Variants in MUC4 observed in about 807,000 individuals in gnomAD.
MUC4 encodes mucin-4.
Under a neutral mutation model 257.9 loss-of-function variants are expected in MUC4, and 202 were observed. The observed-to-expected ratio is 0.78, with a 90% CI of 0.70 to 0.88. The LOEUF (loss-of-function observed/expected upper bound fraction) is 0.88, where lower values mean the gene tolerates loss of function less well. Ranked by LOEUF, MUC4 falls within the 40% of genes least tolerant of loss-of-function variation. The probability of loss-of-function intolerance (pLI) is 0.00; values close to 1 mark genes in which losing one functional copy is unlikely to be tolerated. For synonymous variants in MUC4, 2,351 were observed against 2,757.1 expected (o/e 0.85, Z 4.62); for missense variants, 5,976 against 6,513.7 (o/e 0.92, Z 2.84).
chr3:195,807,339 G>T (rs1736105318), intron 1 of MUC4, among the ~76,000 whole-genome samples: 1 of 152,064 alleles, frequency 6.6e-6, no homozygotes, highest in South Asian at 2.1e-4. Flanking sequence ...GTGGTGTTGG[G>T]CGTCTATAAT....
In MUC4 at chr3:195,811,859, C is replaced by T. The variant is rs776958667; in HGVS notation, c.-42G>A. The T allele has an allele frequency of 4.9e-5, 79 of 1,596,472 alleles. No individual in the cohort carries two copies. In the Admixed American group the frequency reaches 1.2e-3, roughly 23 times the overall value. ...CCCCTGGCTCCCTGGGGAAGCTCCA[C>T]GGCCCAGCAGCTGCAGTGTGAGGAG... On this transcript the variant is annotated 5_prime_UTR_variant, in exon 1 of 25. The change creates a new upstream start codon in the 5' untranslated region. Transcript: ENST00000463781.
rs1217901710 is a variant in MUC4, at chr3:195,788,090, C to T, written c.3490G>A (p.Gly1164Ser). 6.7e-7 allele frequency: 1 copy of T among 1,492,040 alleles called. No individual in the cohort carries two copies. The highest frequency in any genetic ancestry group is 1.2e-5 in the South Asian group (1 of 81,238). 92.4% of individuals were successfully genotyped at this position (1,492,040 alleles called of 1,614,324 possible). Reference sequence around the variant, plus strand: ...GTGACAGGAAGAGGGGTGGCCTGACCTGTGGATGCTGAGGAAGCATCAGTG... The same window carrying T: ...GTGACAGGAAGAGGGGTGGCCTGACTTGTGGATGCTGAGGAAGCATCAGTG... ...HVTDASSAST[G>S]QATPLPVTSL... The change falls in exon 2 of 25, where the codon GGT becomes AGT. Residue 1164 changes from glycine to serine, a missense_variant. Gly to Ser is a moderately conservative substitution (Grantham distance 56). This residue lies in a region of MUC4 where 90 missense variants were observed against 106.2 expected (regional missense o/e 0.85). Coordinates refer to ENST00000463781, the MANE Select transcript of MUC4 (RefSeq NM_018406.7).
intron 1 of MUC4, among the ~76,000 whole-genome samples, chr3:195,796,432 G>T (rs1734589121): frequency 6.6e-6 from 1 of 152,176 alleles, no homozygotes; most frequent in Non-Finnish European, 1.5e-5. Context: ...TATAATCTAG[G>T]CCGGGTGCGG....
In MUC4 at chr3:195,755,293, T is replaced by C. The variant is rs1413706487; in HGVS notation, c.15169-921A>G. 6.6e-6 allele frequency among the ~76,000 whole-genome samples: 1 copy of C among 151,966 alleles called. No individual in the cohort carries two copies. Among genetic ancestry groups the C allele is most frequent in the Non-Finnish European group, 1.5e-5 (1 of 67,996 alleles). On this transcript the variant is annotated intron_variant, in intron 18 of 24. Coordinates refer to ENST00000463781, the MANE Select transcript of MUC4 (RefSeq NM_018406.7). This position sits in a 1 kb window ranked among gnomAD's most constrained non-coding sequence, Gnocchi z 5.0. ...TCACTGCAATGTCCCCCTCCCAAGT[T>C]AAAGCAATTCTTGTGCCTCAGCCTC...
At position 195,780,399 on chromosome 3, in the gene MUC4, G is replaced by T. The variant is rs1560309581; in HGVS notation, c.11181C>A (p.Thr3727=). The change falls in exon 2 of 25, where the codon ACC becomes ACA. Residue 3727 remains threonine (T), a synonymous_variant. Transcript: ENST00000463781. The stretch of plus-strand genomic sequence containing the variant: ...AGGAAGGGCTGGTGACATGAAGAGG[G>T]GTGACGTGACCTGTAGATACTGAGG... ...STSSVSTGHV[T]PLHVTSPSSA... 8 of 1,526,698 alleles carry T rather than the reference G, an allele frequency of 5.2e-6. No individual in the cohort carries two copies. In the South Asian group the frequency reaches 6.0e-5, roughly 11 times the overall value. 94.6% of individuals were successfully genotyped at this position (1,526,698 alleles called of 1,614,324 possible).
At chr3:195,794,352 T>A (rs1734276177) in intron 1 of MUC4, among the ~76,000 whole-genome samples, 3 of 148,690 alleles carry the variant, frequency 2.0e-5, no homozygotes, top group East Asian at 3.9e-4. Context: ...TCTTTCTTTT[T>A]TCTTTTTAAA....
In MUC4 at chr3:195,789,680, C is replaced by G; in HGVS notation, c.1900G>C (p.Val634Leu). ...TSTSPQESPA[V>L]SQRGHTQAPQ... Reference sequence around the variant, plus strand: ...GCTTGAGTGTGACCCCTTTGGGAAACAGCTGGTGATTCCTGAGGAGAGGTG... The same window carrying G: ...GCTTGAGTGTGACCCCTTTGGGAAAGAGCTGGTGATTCCTGAGGAGAGGTG... Residue 634 changes from valine (V) to leucine (L), a missense_variant, in exon 2 of 25, where the codon GTT becomes CTT. Val to Leu is a conservative substitution (Grantham distance 32, BLOSUM62 1). Coordinates refer to ENST00000463781, the MANE Select transcript of MUC4 (RefSeq NM_018406.7). The G allele has an allele frequency of 5.0e-6, 8 of 1,613,898 alleles. No homozygotes were observed. The highest frequency in any genetic ancestry group is 6.8e-6 in the Non-Finnish European group (8 of 1,179,846).
intron 1 of MUC4, 82 bp downstream of exon 1, chr3:195,811,654 C>T: frequency 8.0e-7 from 1 of 1,253,460 alleles, no homozygotes; most frequent in Non-Finnish European, 1.2e-6. Flanking sequence ...CTCTCTGTCT[C>T]CCCGGACCTC....
intron 4 of MUC4, among the ~76,000 whole-genome samples, chr3:195,772,563 C>T (rs111707999): frequency 0.069 from 3,306 of 48,254 alleles, 133 homozygotes; most frequent in African/African-American, 0.16. Context: ...CCTCTCTCCA[C>T]CGCTCAGGGG....
chr3:195,763,396 G>C, intron 12 of MUC4, 37 bp downstream of exon 12: 1 of 1,394,080 alleles, frequency 7.2e-7, no homozygotes, highest in Non-Finnish European at 9.4e-7. Context: ...GTCCCTGTGG[G>C]TGGAATGCAG....
At chr3:195,767,556 T>TCACCATCACCACC (rs1560261676) in intron 7 of MUC4, among the ~76,000 whole-genome samples, 2 of 22,400 alleles carry the variant, frequency 8.9e-5, no homozygotes, top group Admixed American at 3.9e-4. Flanking sequence ...CCATCACCAT[T>TCACCATCACCACC]ACCATTGCCA....
Position 195,788,416 on chromosome 3 carries a change from G to T in MUC4, c.3164C>A (p.Thr1055Asn), listed in dbSNP as rs1474713994. Residue 1055 changes from threonine (T) to asparagine (N), a missense_variant, in exon 2 of 25, where the codon ACC (threonine) becomes AAC (asparagine). Physicochemically the swap from Thr to Asn is moderately conservative, Grantham distance 65. Coordinates refer to ENST00000463781, the MANE Select transcript of MUC4 (RefSeq NM_018406.7). ...SFSSASTGDSTPLPVTDTSSA... is the reference protein window; with the variant it reads ...SFSSASTGDSNPLPVTDTSSA... Reference sequence around the variant, plus strand: ...GGAAGTGTCAGTGACAGGAAGAGGGGTGCTGTCACCTGTGGATGCTGAGGA... The same window carrying T: ...GGAAGTGTCAGTGACAGGAAGAGGGTTGCTGTCACCTGTGGATGCTGAGGA... 1.2e-5 allele frequency: 18 copies of T among 1,470,248 alleles called. No homozygotes were observed. Among genetic ancestry groups the T allele is most frequent in the Middle Eastern group, 2.3e-4 (1 of 4,334 alleles). The allele number at this position is 1,470,248 out of a possible 1,614,324, so 91.1% of individuals were successfully genotyped here.
At chr3:195,767,512 A>ACCATCACCACCACCATCG (rs1720947528) in intron 7 of MUC4, among the ~76,000 whole-genome samples, 3 of 85,232 alleles carry the variant, frequency 3.5e-5, no homozygotes, top group Non-Finnish European at 5.4e-5. Flanking sequence ...CACCACCATC[A>ACCATCACCACCACCATCG]CCATCACCAC....
Position 195,764,985 on chromosome 3 carries a change from G to A in MUC4, c.13924+12C>T, listed in dbSNP as rs771259713. ...GCCGGGAAGGTGGGGTTGAGATCACGGACTCACGCACCCAACTGCCAAGGA... is the reference window on the plus strand; with the variant it reads ...GCCGGGAAGGTGGGGTTGAGATCACAGACTCACGCACCCAACTGCCAAGGA... On this transcript the variant is annotated intron_variant, in intron 10 of 24. Transcript: ENST00000463781. 2.3e-5 allele frequency: 37 copies of A among 1,612,458 alleles called. 1 individual carries two copies. The highest frequency in any genetic ancestry group is 3.3e-4 in the Middle Eastern group (2 of 6,072).
chr3:195,782,548 A>C lies in MUC4; in HGVS notation c.9032T>G (p.Val3011Gly), dbSNP rs1166886645. 1 of 1,409,744 alleles carries C rather than the reference A, an allele frequency of 7.1e-7. No individual in the cohort carries two copies. The highest frequency in any genetic ancestry group is 1.7e-5 in the African/African-American group (1 of 59,868). 87.3% of individuals were successfully genotyped at this position (1,409,744 alleles called of 1,614,324 possible). Reference sequence around the variant, plus strand: ...TGTGGATATTGAGGAAGTGTCGGTGACAGGAAGAGAGGTGGCGTGACCTAT... The same window carrying C: ...TGTGGATATTGAGGAAGTGTCGGTGCCAGGAAGAGAGGTGGCGTGACCTAT... ...ASIGHATSLPVTDTSSISTGH... is the reference protein window; with the variant it reads ...ASIGHATSLPGTDTSSISTGH... The change falls in exon 2 of 25, where the codon GTC (valine) becomes GGC (glycine). Residue 3011 changes from valine to glycine, a missense_variant. Physicochemically the swap from Val to Gly is moderately radical, Grantham distance 109. This residue lies in a region of MUC4 where 68 missense variants were observed against 50.2 expected (regional missense o/e 1.35). Transcript: ENST00000463781.
In MUC4 at chr3:195,785,822, A is replaced by T; in HGVS notation, c.5758T>A (p.Ser1920Thr). 8.1e-7 allele frequency: 1 copy of T among 1,240,768 alleles called. No individual in the cohort carries two copies. 76.9% of individuals were successfully genotyped at this position (1,240,768 alleles called of 1,614,324 possible). Residue 1920 changes from serine to threonine, a missense_variant, in exon 2 of 25, where the codon TCT (serine) becomes ACT (threonine). Coordinates refer to ENST00000463781, the MANE Select transcript of MUC4 (RefSeq NM_018406.7). ...GAGGAAAGGCTGGTGACAGGAAGAG[A>T]GGTGGCGTGACCTGTGGATACTGAG... ...ASSVSTGHAT[S>T]LPVTSLSSAS...
chr3:195,756,957 G>C (rs759483158), intron 18 of MUC4, among the ~76,000 whole-genome samples, 190 bp downstream of exon 18: 1 of 152,104 alleles, frequency 6.6e-6, no homozygotes, highest in Non-Finnish European at 1.5e-5. Flanking sequence ...CACTGCACCC[G>C]GCCAGAAAGT....
In MUC4 at chr3:195,764,059, C is replaced by G. The variant is rs1236762987; in HGVS notation, c.14030G>C (p.Arg4677Thr). The change falls in exon 11 of 25, where the codon AGG (arginine) becomes ACG (threonine). Residue 4677 changes from arginine to threonine, a missense_variant. By Grantham distance (71) the Arg-to-Thr change is moderately conservative. Around this residue, in one of 44 missense-constraint regions of MUC4, gnomAD observed 996 missense variants for 1,137.3 expected, o/e 0.88. Transcript: ENST00000463781. ...RRPHVGCATY[R>T]PPQPAWMFGD... ...CTGTCGCTCACCGGGCTGTGGGGGC[C>G]TGTATGTAGCACAGCCCACGTGGGG... The G allele has an allele frequency of 6.2e-7, 1 of 1,610,776 alleles. No individual in the cohort carries two copies. The highest frequency in any genetic ancestry group is 8.5e-7 in the Non-Finnish European group (1 of 1,179,092).
In MUC4 at chr3:195,780,583, G is replaced by T. The variant is rs767764512; in HGVS notation, c.10997C>A (p.Pro3666His). Residue 3666 changes from proline to histidine, a missense_variant, in exon 2 of 25, where the codon CCT (proline) becomes CAT (histidine). This residue lies in a region of MUC4 where 59 missense variants were observed against 149.8 expected (regional missense o/e 0.39). Coordinates refer to ENST00000463781, the MANE Select transcript of MUC4 (RefSeq NM_018406.7). ...SVSTGHATPL[P>H]VTDTSSASTG... ...GGATGCTGAGGAAGTGTCGGTGACA[G>T]GAAGAGGGGTGGCGTGACCTGTGGA... 2.2e-5 allele frequency: 18 copies of T among 833,372 alleles called. No individual in the cohort carries two copies. The East Asian group carries it at 4.0e-4, about 18-fold the overall frequency. The allele number at this position is 833,372 out of a possible 1,614,324, so 51.6% of individuals were successfully genotyped here. A position where few individuals can be genotyped will look rare whatever the true frequency, so the allele number is the denominator to read the frequency against.
Sources: allele counts gnomAD v4.1 joint callset (sites outside exome capture counted in the v4.1 genomes callset), GRCh38; gene constraint gnomAD v4.1.1; regional missense constraint gnomAD v4.1.1; non-coding constraint Gnocchi (gnomAD v3.1); transcripts MANE v1.5; gene names NCBI Gene and HGNC (gene_info 2026-07-23, HGNC 2026-07-21).